The following AARS1 variants were observed in gnomAD, a reference collection of about 807,000 sequenced individuals.
AARS1 encodes the protein alanyl-tRNA synthetase 1.
Under a neutral mutation model 108.9 loss-of-function variants are expected in AARS1, and 72 were observed. That is an observed-to-expected ratio of 0.66 (90% confidence interval 0.55 to 0.80). The LOEUF is 0.80. Ranked by LOEUF, AARS1 falls within the 30% of genes least tolerant of loss-of-function variation. The pLI, the probability that AARS1 is intolerant of heterozygous loss-of-function variation, is 0.00. For missense variants in AARS1, 1,193 were observed against 1,233.2 expected (o/e 0.97, Z 0.49); for synonymous variants, 489 against 465.7 (o/e 1.05, Z -0.64).
chr16:70,267,598 G>C, intron 9 of AARS1, 61 bp downstream of exon 9: 2 of 1,600,034 alleles, frequency 1.2e-6, no homozygotes, highest in African/African-American at 1.3e-5. Flanking sequence ...GTCAGAAAGG[G>C]CTTGTCTTTC....
intron 4 of AARS1, among the ~76,000 whole-genome samples, chr16:70,275,140 G>C (rs1960506942): frequency 6.6e-6 from 1 of 151,228 alleles, no homozygotes; most frequent in African/African-American, 2.4e-5. Context: ...CGCACCTGTA[G>C]TCCCAGCTAC....
chr16:70,273,498 G>C (rs1015896909), intron 4 of AARS1, among the ~76,000 whole-genome samples: 1 of 152,028 alleles, frequency 6.6e-6, no homozygotes, highest in African/African-American at 2.4e-5. Flanking sequence ...CAGGTAGATC[G>C]CTTGAGCTCA....
rs201236961 is a variant in AARS1, at chr16:70,271,232, TAA to T, written c.671+547_671+548del. Among the ~76,000 whole-genome samples the T allele has an allele frequency of 6.1e-5, 9 of 148,592 alleles. No homozygotes were observed. The East Asian group carries it at 1.4e-3, about 24-fold the overall frequency. On this transcript the variant is annotated intron_variant, in intron 5 of 20. Coordinates refer to ENST00000261772, the MANE Select transcript of AARS1 (RefSeq NM_001605.3). ...AGGCAAGCTTCAAGGAAATAGGCTT[TAA>T]AACAGCAGTCCAGTTCTGGCACGGT...
Position 70,266,358 on chromosome 16 carries a change from C to T in AARS1, c.1223-696G>A, listed in dbSNP as rs143023366. ...AAATAAATAAAAAAATTGCCAGGCG[C>T]GGTGGCGGACACCTGTAGTCCCAGC... On this transcript the variant is annotated intron_variant, in intron 9 of 20. Transcript: ENST00000261772. Among the ~76,000 whole-genome samples the T allele has an allele frequency of 1.6e-3, 238 of 146,128 alleles. 6 individuals are homozygous for T. The highest frequency in any genetic ancestry group is 4.9e-3 in the African/African-American group (195 of 39,654).
At chr16:70,278,705 C>T (rs1203463109) in intron 2 of AARS1, among the ~76,000 whole-genome samples, 5 of 152,054 alleles carry the variant, frequency 3.3e-5, no homozygotes, top group Non-Finnish European at 5.9e-5. Flanking sequence ...ACTGGACAGT[C>T]CCGTATTAGA....
At chr16:70,264,594 G>T (rs1960220886) in intron 11 of AARS1, among the ~76,000 whole-genome samples, 1 of 152,122 alleles carries the variant, frequency 6.6e-6, no homozygotes, top group South Asian at 2.1e-4. Context: ...TGGGATTACA[G>T]GTGTGAGGCA....
chr16:70,260,897 C>G, intron 13 of AARS1, 147 bp downstream of exon 13: 1 of 623,946 alleles, frequency 1.6e-6, no homozygotes, highest in Non-Finnish European at 3.0e-6. Context: ...CTCCTGACCT[C>G]ATGATCCACC....
At chr16:70,282,023 G>C (rs889876214) in intron 2 of AARS1, among the ~76,000 whole-genome samples, 19 of 151,736 alleles carry the variant, frequency 1.3e-4, no homozygotes, top group Non-Finnish European at 2.9e-5. Context: ...TTGGTGGTGG[G>C]CACCTGTAGT....
chr16:70,273,689 C>A (rs767548497), intron 4 of AARS1, among the ~76,000 whole-genome samples: 69 of 151,672 alleles, frequency 4.5e-4, no homozygotes, highest in Non-Finnish European at 7.4e-4. Flanking sequence ...GGTGAAACCC[C>A]GTCTCTACTA....
intron 9 of AARS1, 35 bp downstream of exon 9, chr16:70,267,624 G>A (rs766515164): frequency 2.1e-5 from 34 of 1,613,630 alleles, no homozygotes; most frequent in Non-Finnish European, 2.7e-5. Flanking sequence ...AAGATCAAAC[G>A]GCCAGGATGG....
chr16:70,287,558 G>C (rs1036673766), intron 1 of AARS1, among the ~76,000 whole-genome samples: 1 of 151,286 alleles, frequency 6.6e-6, no homozygotes, highest in African/African-American at 2.4e-5. Context: ...GGCAACATGG[G>C]AACACCTGAG....
intron 2 of AARS1, 97 bp from the exon 3 acceptor site, chr16:70,277,251 A>G: frequency 7.9e-7 from 1 of 1,259,182 alleles, no homozygotes; most frequent in Non-Finnish European, 1.2e-6. Context: ...CTAACTGTGC[A>G]GTTCATGATT....
chr16:70,267,869 T>C, intron 8 of AARS1, 60 bp from the exon 9 acceptor site: 1 of 1,612,044 alleles, frequency 6.2e-7, no homozygotes. Flanking sequence ...CCCTGCCCCG[T>C]CTTAAAAAAG....
At chr16:70,260,653 A>G (rs1042691555) in intron 13 of AARS1, among the ~76,000 whole-genome samples, 3 of 151,342 alleles carry the variant, frequency 2.0e-5, no homozygotes, top group East Asian at 3.9e-4. Context: ...CTAGGGAGTG[A>G]TAACAGTGAC....
rs952466564 is a variant in AARS1 at position 70,252,481 on chromosome 16, T to A, written c.*240A>T. On this transcript the variant is annotated 3_prime_UTR_variant, in exon 21 of 21. Coordinates refer to ENST00000261772, the MANE Select transcript of AARS1 (RefSeq NM_001605.3). ...GGTCTGGAGAGCCGTTATCTATAGA[T>A]GCGAGCGTGACGATCAACAGCAATG... 8.7e-6 allele frequency: 5 copies of A among 572,072 alleles called. No individual in the cohort carries two copies. The highest frequency in any genetic ancestry group is 3.0e-5 in the Admixed American group (1 of 33,060). The allele number at this position is 572,072 out of a possible 1,614,324, so 35.4% of individuals were successfully genotyped here. A position where few individuals can be genotyped will look rare whatever the true frequency, so the allele number is the denominator to read the frequency against.
At position 70,255,721 on chromosome 16, in the gene AARS1, T is replaced by TGC; in HGVS notation, c.2286+5_2286+6dup. 2 of 1,613,856 alleles carry TGC rather than the reference T, an allele frequency of 1.2e-6. No homozygotes were observed. The highest frequency in any genetic ancestry group is 1.1e-5 in the South Asian group (1 of 91,074). On this transcript the variant is annotated splice_region_variant and intron_variant, in intron 16 of 20. Transcript: ENST00000261772. ...AGATAAGCCACAAACCAGCCTGACC[T>TGC]GCTCACCTTCTGGGCCTCGGCACCT...
chr16:70,255,193 C>G (rs977784040), intron 16 of AARS1, among the ~76,000 whole-genome samples: 2 of 124,740 alleles, frequency 1.6e-5, no homozygotes, highest in East Asian at 4.7e-4. Context: ...GCCAGATTCA[C>G]ATTTTTTTTT....
chr16:70,275,443 G>C (rs1378788223), intron 4 of AARS1, among the ~76,000 whole-genome samples: 1 of 151,542 alleles, frequency 6.6e-6, no homozygotes, highest in Non-Finnish European at 1.5e-5. Context: ...GTGAAACCCA[G>C]TCTCTACTAA....
Position 70,253,361 on chromosome 16 carries a change from C to G in AARS1, c.2628G>C (p.Lys876Asn), listed in dbSNP as rs758488318. Reference protein sequence around the residue: ...ASAKALNEALKLFKMHSPQTS... With the variant: ...ASAKALNEALNLFKMHSPQTS... The stretch of plus-strand genomic sequence containing the variant: ...TCTGAGGGGAGTGCATCTTGAAGAG[C>G]TTCAAGGCTTCATTCAGGGCCTGTG... Residue 876 changes from lysine (K) to asparagine (N), a missense_variant, in exon 20 of 21, where the codon AAG becomes AAC. Lys to Asn is a moderately conservative substitution (Grantham distance 94). Transcript: ENST00000261772. 2.0e-5 allele frequency: 32 copies of G among 1,613,940 alleles called. No individual in the cohort carries two copies. Among genetic ancestry groups the G allele is most frequent in the Non-Finnish European group, 2.7e-5 (32 of 1,179,946 alleles).
Sources: gnomAD v4.1 joint callset for allele counts (sites outside exome capture counted in the v4.1 genomes callset) on GRCh38, gnomAD v4.1.1 for gene constraint, MANE v1.5 for transcripts, NCBI Gene and HGNC (gene_info 2026-07-23, HGNC 2026-07-21) for gene names.